Variants in MDN1 observed in about 807,000 individuals in gnomAD.
The protein encoded by MDN1 is midasin AAA ATPase 1.
Under a neutral mutation model 669.2 loss-of-function variants are expected in MDN1, and 266 were observed. The observed-to-expected ratio is 0.40, with a 90% CI of 0.36 to 0.44. MDN1 has a LOEUF of 0.44. Among genes scored for constraint, MDN1 ranks in the 20% least tolerant of loss-of-function variants. The probability of loss-of-function intolerance (pLI) is 1.00; values close to 1 mark genes in which losing one functional copy is unlikely to be tolerated. For synonymous variants in MDN1, 2,385 were observed against 2,457.1 expected (o/e 0.97, Z 0.87); for missense variants, 5,940 against 6,754.0 (o/e 0.88, Z 4.22).
chr6:89,695,820 G>A lies in MDN1; in HGVS notation c.9556C>T (p.Gln3186Ter). Residue 3186 changes from glutamine to a stop codon, truncating the protein, a stop_gained, in exon 61 of 102, where the codon CAG becomes TAG. Coordinates refer to ENST00000369393, the MANE Select transcript of MDN1 (RefSeq NM_014611.3). LOFTEE classifies it high-confidence loss of function. This position sits in a 1 kb window ranked among gnomAD's most constrained non-coding sequence, Gnocchi z 4.1. ...VGQTLGDMAG[Q>*]EVLPKELLCQ... ...AGCAGTTCCTTGGGCAGCACCTCCT[G>A]ACCAGCCATGTCCCCAAGTGTCTGG... 1 of 1,613,694 alleles carries A rather than the reference G, an allele frequency of 6.2e-7. No individual in the cohort carries two copies. Among genetic ancestry groups the A allele is most frequent in the Non-Finnish European group, 8.5e-7 (1 of 1,180,028 alleles).
At chr6:89,681,221 T>C (rs371942568) in intron 73 of MDN1, among the ~76,000 whole-genome samples, 15 of 152,272 alleles carry the variant, frequency 9.9e-5, no homozygotes, top group Admixed American at 3.3e-4. Flanking sequence ...TCACCCAGGC[T>C]GAAGTGCAGT....
Position 89,648,887 on chromosome 6 carries a change from A to AGTGGGAG in MDN1, c.16207-565_16207-559dup, listed in dbSNP as rs550718946. On this transcript the variant is annotated intron_variant, in intron 97 of 101. Transcript: ENST00000369393. ...TGGTCCCAGCTACTCAGGAGGCTGA[A>AGTGGGAG]GTGGGAGGACTGTACTGCTTAAGCC... Among the ~76,000 whole-genome samples, 14 of 151,634 alleles carry AGTGGGAG rather than the reference A, an allele frequency of 9.2e-5. No homozygotes were observed. In the East Asian group the frequency reaches 1.9e-3, roughly 21 times the overall value.
intron 76 of MDN1, 68 bp from the exon 77 acceptor site, chr6:89,676,275 C>CA: frequency 7.3e-7 from 1 of 1,370,594 alleles, no homozygotes; most frequent in East Asian, 2.3e-5. Flanking sequence ...CCTGAAAACT[C>CA]AGATATTGGT....
In MDN1 at chr6:89,645,150, T is replaced by C; in HGVS notation, c.16467A>G (p.Ala5489=). 1.9e-6 allele frequency: 3 copies of C among 1,604,920 alleles called. No individual in the cohort carries two copies. Among genetic ancestry groups the C allele is most frequent in the Non-Finnish European group, 1.7e-6 (2 of 1,172,210 alleles). Residue 5489 remains alanine, a synonymous_variant, in exon 101 of 102, where the codon GCA becomes GCG. Transcript: ENST00000369393. ...QLSQNISSET[A]QLLLVVSDGR... ...CATCAGAGACTACCAGGAGGAGTTGTGCAGTTTCTGTAGACCATATAAGAC... is the reference window on the plus strand; with the variant it reads ...CATCAGAGACTACCAGGAGGAGTTGCGCAGTTTCTGTAGACCATATAAGAC...
In MDN1 at chr6:89,707,456, C is replaced by G. The variant is rs184227056; in HGVS notation, c.7919G>C (p.Arg2640Pro). The G allele has an allele frequency of 6.2e-7, 1 of 1,611,692 alleles. No individual in the cohort carries two copies. Among genetic ancestry groups the G allele is most frequent in the Non-Finnish European group, 8.5e-7 (1 of 1,177,974 alleles). The change falls in exon 52 of 102, where the codon CGG (arginine) becomes CCG (proline). Residue 2640 changes from arginine to proline, a missense_variant. Transcript: ENST00000369393. Reference sequence around the variant, plus strand: ...TGCTTCAGTAAAAACCCGTTTTTCCCGGTCAAGATATATGATTGTCCTGGA... The same window carrying G: ...TGCTTCAGTAAAAACCCGTTTTTCCGGGTCAAGATATATGATTGTCCTGGA... ...AANKTIIYLD[R>P]EKRVFTEANL...
Position 89,645,016 on chromosome 6 carries a change from C to A in MDN1, c.16601G>T (p.Arg5534Leu), listed in dbSNP as rs140050356. 2.8e-4 allele frequency: 449 copies of A among 1,586,718 alleles called. No individual in the cohort carries two copies. The highest frequency in any genetic ancestry group is 3.8e-4 in the Non-Finnish European group (439 of 1,157,318). ...AGGTGGCTTTTAGTAGTCACTCACC[C>A]GTGAACTGGGATTGTCCAATACAAC... ...IFVVLDNPSS[R>L]DSILDIKVPI... Residue 5534 changes from arginine (R) to leucine (L), a missense_variant and splice_region_variant, in exon 101 of 102, where the codon CGG (arginine) becomes CTG (leucine). By Grantham distance (102) the Arg-to-Leu change is moderately radical. Transcript: ENST00000369393.
intron 9 of MDN1, among the ~76,000 whole-genome samples, chr6:89,782,754 C>T (rs1174309372): frequency 1.3e-5 from 2 of 151,998 alleles, no homozygotes; most frequent in Non-Finnish European, 2.9e-5. Flanking sequence ...ACCTGGCCAA[C>T]ATGGTGAAAC....
chr6:89,677,746 G>C (rs773274088), intron 75 of MDN1, 50 bp from the exon 76 acceptor site: 11 of 1,610,900 alleles, frequency 6.8e-6, no homozygotes, highest in Admixed American at 3.3e-5. Flanking sequence ...GTAGAGAATG[G>C]ATGTGCCCCC....
At position 89,648,274 on chromosome 6, in the gene MDN1, C is replaced by T. The variant is rs1209247399; in HGVS notation, c.16262G>A (p.Gly5421Asp). ...IGNALTLLEV[G>D]QIAVCSFGES... is the part of the protein sequence containing the mutation. Reference sequence around the variant, plus strand: ...ACCTTACCTACACACTGCAATCTGACCCACTTCCAGGAGGGTTAGAGCATT... The same window carrying T: ...ACCTTACCTACACACTGCAATCTGATCCACTTCCAGGAGGGTTAGAGCATT... Residue 5421 changes from glycine (G) to aspartate (D), a missense_variant, in exon 98 of 102, where the codon GGT becomes GAT. Around this residue, in one of 5 missense-constraint regions of MDN1, gnomAD observed 2,280 missense variants for 2,576.3 expected, o/e 0.88. Coordinates refer to ENST00000369393, the MANE Select transcript of MDN1 (RefSeq NM_014611.3). 1.2e-6 allele frequency: 2 copies of T among 1,614,108 alleles called. No individual in the cohort carries two copies. The highest frequency in any genetic ancestry group is 1.7e-6 in the Non-Finnish European group (2 of 1,179,966).
At chr6:89,750,626 AG>A in intron 23 of MDN1, 94 bp from the exon 24 acceptor site, 1 of 1,252,870 alleles carries the variant, frequency 8.0e-7, no homozygotes, top group South Asian at 1.4e-5. Flanking sequence ...TGTTTGACAA[AG>A]GGTTTCACTC....
chr6:89,723,674 T>A, intron 38 of MDN1, 55 bp from the exon 39 acceptor site: 1 of 974,078 alleles, frequency 1.0e-6, no homozygotes. Flanking sequence ...TACCAAACAC[T>A]AGAAATGACT....
At position 89,672,607 on chromosome 6, in the gene MDN1, C is replaced by T; in HGVS notation, c.13570G>A (p.Glu4524Lys). 7 of 1,614,120 alleles carry T rather than the reference C, an allele frequency of 4.3e-6. No individual in the cohort carries two copies. The highest frequency in any genetic ancestry group is 5.9e-6 in the Non-Finnish European group (7 of 1,180,028). ...TCCTCTGCTTTTTCATTCTTTCTTTCTTCTAAGTTCTGGATGGCACAGAGG... is the reference window on the plus strand; with the variant it reads ...TCCTCTGCTTTTTCATTCTTTCTTTTTTCTAAGTTCTGGATGGCACAGAGG... ...AILCAIQNLE[E>K]RKNEKAEENT... The change falls in exon 81 of 102, where the codon GAA becomes AAA. Residue 4524 changes from glutamate to lysine, a missense_variant. Glu to Lys is a moderately conservative substitution (Grantham distance 56). Around this residue, in one of 5 missense-constraint regions of MDN1, gnomAD observed 2,280 missense variants for 2,576.3 expected, o/e 0.88. Transcript: ENST00000369393.
intron 65 of MDN1, among the ~76,000 whole-genome samples, chr6:89,689,527 G>T (rs1337444174): frequency 2.0e-5 from 3 of 151,966 alleles, no homozygotes; most frequent in Admixed American, 6.6e-5. Context: ...AAGCACTAAG[G>T]CTATTTGACA....
chr6:89,673,961 C>T, intron 79 of MDN1, 143 bp downstream of exon 79: 1 of 885,204 alleles, frequency 1.1e-6, no homozygotes, highest in Non-Finnish European at 1.6e-6. Flanking sequence ...ACCCCATCCC[C>T]CAAACCGACG....
rs746939349 is a variant in MDN1 at position 89,728,900 on chromosome 6, T to A, written c.5349+31A>T. On this transcript the variant is annotated intron_variant, in intron 36 of 101. Coordinates refer to ENST00000369393, the MANE Select transcript of MDN1 (RefSeq NM_014611.3). ...ACACAGACATTACTATCTATAGCTATCTCCATCAGCTGTAGGATGACCGAG... is the reference window on the plus strand; with the variant it reads ...ACACAGACATTACTATCTATAGCTAACTCCATCAGCTGTAGGATGACCGAG... The A allele has an allele frequency of 7.6e-6, 12 of 1,574,268 alleles. No homozygotes were observed. The South Asian group carries it at 8.9e-5, about 12-fold the overall frequency.
intron 15 of MDN1, among the ~76,000 whole-genome samples, chr6:89,768,313 A>T (rs1013581669): frequency 6.6e-6 from 1 of 152,056 alleles, no homozygotes; most frequent in African/African-American, 2.4e-5. Flanking sequence ...TATTCTCATG[A>T]TAGTGAATAA....
chr6:89,678,688 T>C lies in MDN1; in HGVS notation c.12323A>G (p.Glu4108Gly). 3.7e-6 allele frequency: 6 copies of C among 1,614,154 alleles called. No individual in the cohort carries two copies. Among genetic ancestry groups the C allele is most frequent in the Non-Finnish European group, 5.1e-6 (6 of 1,179,988 alleles). ...GGCTTCTGACCGCTGCTTCTCCTTC[T>C]CTGCAGAGGGTTCCACCTTTAAGCT... is the stretch of plus-strand genomic sequence containing the variant. The part of the protein sequence containing the change: ...LQSLKVEPSA[E>G]KEKQRSEAKH... The change falls in exon 75 of 102, where the codon GAG becomes GGG. Residue 4108 changes from glutamate (E) to glycine (G), a missense_variant. Physicochemically the swap from Glu to Gly is moderately conservative, Grantham distance 98. Transcript: ENST00000369393.
At position 89,730,932 on chromosome 6, in the gene MDN1, C is replaced by G; in HGVS notation, c.4943-9G>C. ...CCCAGAGGAAGTTACCCCTAAAAGA[C>G]AGAGGATCAGTCCATGAAGCAACAG... is the stretch of plus-strand genomic sequence containing the variant. On this transcript the variant is annotated splice_polypyrimidine_tract_variant and intron_variant, in intron 34 of 101. Coordinates refer to ENST00000369393, the MANE Select transcript of MDN1 (RefSeq NM_014611.3). 1 of 1,612,460 alleles carries G rather than the reference C, an allele frequency of 6.2e-7. No homozygotes were observed. The highest frequency in any genetic ancestry group is 8.5e-7 in the Non-Finnish European group (1 of 1,178,958).
chr6:89,795,345 A>T (rs1166145708), intron 2 of MDN1, among the ~76,000 whole-genome samples: 2 of 152,144 alleles, frequency 1.3e-5, no homozygotes. Flanking sequence ...ACACGAGTCA[A>T]CTGAATCTGG....
Sources: allele counts gnomAD v4.1 joint callset (sites outside exome capture counted in the v4.1 genomes callset), GRCh38; gene constraint gnomAD v4.1.1; regional missense constraint gnomAD v4.1.1; non-coding constraint Gnocchi (gnomAD v3.1); transcripts MANE v1.5; gene names NCBI Gene and HGNC (gene_info 2026-07-23, HGNC 2026-07-21).